The following ARLN variants were observed in gnomAD, a reference collection of about 807,000 sequenced individuals.
The protein encoded by ARLN is allregulin.
At chr4:119,298,372 GA>G in the ARLN span, 1 of 155,836 alleles carries the variant, frequency 6.4e-6, no homozygotes, top group Non-Finnish European at 1.4e-5. Flanking sequence ...ATTGACTTTT[GA>G]ATTCATAAAA....
the ARLN span, chr4:119,297,081 C>G: frequency 1.3e-5 from 2 of 152,162 alleles, no homozygotes; most frequent in South Asian, 4.1e-4. Flanking sequence ...TAGATGAAAC[C>G]ATTAGCAAGC....
chr4:119,302,660 A>T, the ARLN span, among the ~76,000 whole-genome samples: 1 of 152,196 alleles, frequency 6.6e-6, no homozygotes, highest in African/African-American at 2.4e-5. Context: ...TCTACTTCAC[A>T]TGTTCAACTG....
At chr4:119,304,369 T>C in the ARLN span, 1 of 1,536,958 alleles carries the variant, frequency 6.5e-7, no homozygotes, top group Non-Finnish European at 8.7e-7. Context: ...GTTTTTTGCC[T>C]TCCTTTGGCA....
the ARLN span, chr4:119,300,782 C>G: frequency 6.9e-7 from 1 of 1,452,406 alleles, no homozygotes; most frequent in Non-Finnish European, 9.0e-7. Context: ...ATGGGCCCGC[C>G]TACTTCTGCC....
At chr4:119,301,905 C>A in the ARLN span, among the ~76,000 whole-genome samples, 1 of 152,166 alleles carries the variant, frequency 6.6e-6, no homozygotes, top group African/African-American at 2.4e-5. Flanking sequence ...AGATAGTATA[C>A]GACCTTTCAA....
chr4:119,302,797 A>G, the ARLN span, among the ~76,000 whole-genome samples: 44 of 152,234 alleles, frequency 2.9e-4, no homozygotes, highest in Admixed American at 2.7e-3. Flanking sequence ...TGAAAATGCT[A>G]TAACCATCAG....
chr4:119,300,999 A>G, the ARLN span: 2 of 492,886 alleles, frequency 4.1e-6, no homozygotes, highest in Non-Finnish European at 7.1e-6. Context: ...TGTCTCTAGC[A>G]TTTGACACTT....
the ARLN span, chr4:119,300,927 C>G: frequency 8.6e-6 from 8 of 925,848 alleles, no homozygotes; most frequent in Non-Finnish European, 1.2e-5. Context: ...CTCCTATCCC[C>G]GTATTCCGTT....
At chr4:119,298,557 A>C in the ARLN span, 1 of 451,098 alleles carries the variant, frequency 2.2e-6, no homozygotes, top group Non-Finnish European at 4.0e-6. Context: ...TTAAACACGA[A>C]CCAAAGGGTT....
the ARLN span, among the ~76,000 whole-genome samples, chr4:119,301,138 G>A: frequency 1.3e-5 from 2 of 150,148 alleles, no homozygotes; most frequent in Non-Finnish European, 3.0e-5. Flanking sequence ...ACCTGGCCGC[G>A]CCCCCCTGTA....
At chr4:119,302,615 C>G in the ARLN span, among the ~76,000 whole-genome samples, 3 of 152,236 alleles carry the variant, frequency 2.0e-5, no homozygotes, top group Non-Finnish European at 4.4e-5. Flanking sequence ...GTCAGTCATG[C>G]AATACCTCGG....
the ARLN span, chr4:119,300,945 T>G: frequency 2.6e-6 from 2 of 772,748 alleles, no homozygotes; most frequent in Non-Finnish European, 3.9e-6. Context: ...GTTTGGATCC[T>G]TATGCCAACG....
the ARLN span, among the ~76,000 whole-genome samples, chr4:119,301,551 A>G: frequency 2.0e-5 from 3 of 152,182 alleles, no homozygotes; most frequent in African/African-American, 4.8e-5. Flanking sequence ...TCGTGGGTCC[A>G]ATTTCAAATA....
chr4:119,297,619 AT>A, the ARLN span: 1 of 149,080 alleles, frequency 6.7e-6, no homozygotes, highest in Non-Finnish European at 1.5e-5. Context: ...ATTTTTTTGT[AT>A]TTTTTTGTAT....
chr4:119,303,327 G>A, the ARLN span, among the ~76,000 whole-genome samples: 1 of 150,968 alleles, frequency 6.6e-6, no homozygotes, highest in Non-Finnish European at 1.5e-5. Context: ...TCCACCTCAT[G>A]GGGTCAAGCG....
the ARLN span, chr4:119,298,193 G>T: frequency 6.6e-6 from 1 of 152,126 alleles, no homozygotes. Flanking sequence ...CCAATACTTT[G>T]ATATTACCTG....
At chr4:119,300,770 C>T in the ARLN span, 69 of 1,471,422 alleles carry the variant, frequency 4.7e-5, no homozygotes, top group Non-Finnish European at 6.0e-5. Flanking sequence ...GACACTAAGT[C>T]AATGGGCCCG....
chr4:119,301,191 G>T, the ARLN span, among the ~76,000 whole-genome samples: 49 of 146,812 alleles, frequency 3.3e-4, no homozygotes, highest in Non-Finnish European at 1.9e-4. Flanking sequence ...ATCACCTGAG[G>T]TAAGGAGTTC....
chr4:119,296,651 C>G, the ARLN span: 2 of 152,140 alleles, frequency 1.3e-5, no homozygotes, highest in Admixed American at 1.3e-4. Context: ...AGAGAGAAGA[C>G]AGAATTTGCC....
Sources: allele counts gnomAD v4.1 joint callset (sites outside exome capture counted in the v4.1 genomes callset), GRCh38; gene constraint gnomAD v4.1.1; transcripts MANE v1.5; gene names NCBI Gene and HGNC (gene_info 2026-07-23, HGNC 2026-07-21).